Variants in COL23A1 observed in about 807,000 individuals in gnomAD.
COL23A1 encodes collagen type XXIII alpha 1 chain.
A neutral mutation model predicts 99.3 loss-of-function variants in COL23A1; 97 were observed. That is an observed-to-expected ratio of 0.98 (90% CI 0.83 to 1.16). The LOEUF (loss-of-function observed/expected upper bound fraction) is 1.16. Among genes scored for constraint, COL23A1 ranks in the 50% most tolerant of loss-of-function variants. COL23A1 has a pLI of 0.00. For synonymous variants in COL23A1, 320 were observed against 308.2 expected (o/e 1.04, Z -0.40); for missense variants, 762 against 757.4 (o/e 1.01, Z -0.07).
At chr5:178,470,134 T>C (rs1025016970) in intron 2 of COL23A1, among the ~76,000 whole-genome samples, 8 of 152,228 alleles carry the variant, frequency 5.3e-5, no homozygotes, top group African/African-American at 1.7e-4. Context: ...ACAGAGCAGC[T>C]GGCGGGCTAA....
At chr5:178,508,764 GC>G (rs1759025170) in intron 2 of COL23A1, among the ~76,000 whole-genome samples, 1 of 152,152 alleles carries the variant, frequency 6.6e-6, no homozygotes, top group Non-Finnish European at 1.5e-5. Flanking sequence ...ATCTGGCGAG[GC>G]TAGCCCTCTC....
intron 1 of COL23A1, among the ~76,000 whole-genome samples, chr5:178,585,909 G>A (rs1420152134): frequency 1.3e-5 from 2 of 152,188 alleles, no homozygotes; most frequent in South Asian, 4.2e-4. Context: ...TGGCGACCCT[G>A]TGACCTAGCT....
intron 2 of COL23A1, among the ~76,000 whole-genome samples, chr5:178,335,512 G>A (rs887166449): frequency 2.6e-4 from 39 of 152,210 alleles, no homozygotes; most frequent in African/African-American, 9.2e-4. Flanking sequence ...AATATGCAGC[G>A]CCTGGGCATG....
chr5:178,262,381 G>C, intron 9 of COL23A1, 129 bp from the exon 10 acceptor site: 1 of 833,590 alleles, frequency 1.2e-6, no homozygotes, highest in Non-Finnish European at 1.9e-6. Flanking sequence ...CAAACCTGAA[G>C]AGCGAGTATC....
At chr5:178,249,716 A>ACACTCACTCTCTCTCTCTCTCTCTCT in intron 18 of COL23A1, among the ~76,000 whole-genome samples, 1 of 92,754 alleles carries the variant, frequency 1.1e-5, no homozygotes, top group Non-Finnish European at 2.2e-5. Context: ...ACACACACAC[A>ACACTCACTCTCTCTCTCTCTCTCTCT]CTCTCTCTCT....
chr5:178,334,280 G>A lies in COL23A1; in HGVS notation c.362-27361C>T, dbSNP rs867715585. On this transcript the variant is annotated intron_variant, in intron 2 of 28. Coordinates refer to ENST00000390654, the MANE Select transcript of COL23A1 (RefSeq NM_173465.4). ...CTGGGTGTGTCCACATCAGCAAGAC[G>A]ACCCACAACAATTCTCTGAGATCAG... Among the ~76,000 whole-genome samples, 4 of 152,284 alleles carry A rather than the reference G, an allele frequency of 2.6e-5. No individual in the cohort carries two copies. In the Middle Eastern group the frequency reaches 0.01, roughly 388 times the overall value.
chr5:178,318,438 G>A (rs1410390954), intron 2 of COL23A1, among the ~76,000 whole-genome samples: 1 of 152,222 alleles, frequency 6.6e-6, no homozygotes, highest in East Asian at 1.9e-4. Flanking sequence ...GCAGCTGAAG[G>A]GAGGACTGAG....
At chr5:178,565,500 A>G (rs262070) in intron 1 of COL23A1, among the ~76,000 whole-genome samples, 12,044 of 152,154 alleles carry the variant, frequency 0.079, 1,219 homozygotes, top group African/African-American at 0.24. Flanking sequence ...CAACCCGAGG[A>G]GACTCCTTTT....
At position 178,384,589 on chromosome 5, in the gene COL23A1, C is replaced by T. The variant is rs917421731; in HGVS notation, c.362-77670G>A. 6.6e-6 allele frequency among the ~76,000 whole-genome samples: 1 copy of T among 152,192 alleles called. No homozygotes were observed. Among genetic ancestry groups the T allele is most frequent in the Non-Finnish European group, 1.5e-5 (1 of 68,036 alleles). Reference sequence around the variant, plus strand: ...CCTCCCTGCTCCTGCGCTGATTCTGCTCCTGCCTCAGAGATCACGGTTTGA... The same window carrying T: ...CCTCCCTGCTCCTGCGCTGATTCTGTTCCTGCCTCAGAGATCACGGTTTGA... On this transcript the variant is annotated intron_variant, in intron 2 of 28. Coordinates refer to ENST00000390654, the MANE Select transcript of COL23A1 (RefSeq NM_173465.4). This position sits in a 1 kb window ranked among gnomAD's most constrained non-coding sequence, Gnocchi z 5.5.
At chr5:178,564,463 T>C (rs1028814758) in intron 1 of COL23A1, among the ~76,000 whole-genome samples, 1 of 152,120 alleles carries the variant, frequency 6.6e-6, no homozygotes, top group African/African-American at 2.4e-5. Flanking sequence ...TTTGTAAAAA[T>C]GACTTAAAAG....
At chr5:178,369,191 G>A (rs1329034455) in intron 2 of COL23A1, among the ~76,000 whole-genome samples, 3 of 152,188 alleles carry the variant, frequency 2.0e-5, no homozygotes. Flanking sequence ...GGCTTGGTAG[G>A]TGTGTATCTT....
intron 2 of COL23A1, among the ~76,000 whole-genome samples, chr5:178,543,717 G>A (rs1299709109): frequency 3.3e-5 from 5 of 152,146 alleles, no homozygotes; most frequent in Admixed American, 2.6e-4. Context: ...AAAACGGCCT[G>A]TCTTAGCCTG....
At chr5:178,373,163 C>G (rs181641666) in intron 2 of COL23A1, among the ~76,000 whole-genome samples, 1 of 152,182 alleles carries the variant, frequency 6.6e-6, no homozygotes, top group Non-Finnish European at 1.5e-5. Context: ...AAAACACTGA[C>G]ATGGGTTTGA....
chr5:178,380,476 T>A (rs1375158240), intron 2 of COL23A1, among the ~76,000 whole-genome samples: 1 of 152,146 alleles, frequency 6.6e-6, no homozygotes, highest in Non-Finnish European at 1.5e-5. Flanking sequence ...CTTTTTCTGC[T>A]GAAGGGGAAA....
chr5:178,303,977 G>GA (rs1758207388), intron 3 of COL23A1, among the ~76,000 whole-genome samples: 1 of 152,242 alleles, frequency 6.6e-6, no homozygotes, highest in Admixed American at 6.5e-5. Context: ...CCCTTAGAAA[G>GA]AAAGATGACT....
Position 178,457,511 on chromosome 5 carries a change from G to A in COL23A1, c.361+103171C>T, listed in dbSNP as rs148647100. Among the ~76,000 whole-genome samples, 938 of 152,184 alleles carry A rather than the reference G, an allele frequency of 6.2e-3. 13 individuals carry two copies. The highest frequency in any genetic ancestry group is 0.022 in the African/African-American group (894 of 41,512). ...ATTACAGGCACGAACCACTACGCCC[G>A]GCCACAGAGTTCTTTATAATAGCAA... On this transcript the variant is annotated intron_variant, in intron 2 of 28. Transcript: ENST00000390654.
intron 2 of COL23A1, among the ~76,000 whole-genome samples, chr5:178,427,893 G>A (rs1766038275): frequency 1.3e-5 from 2 of 152,160 alleles, no homozygotes; most frequent in Admixed American, 1.3e-4. Context: ...ATGTCATTGT[G>A]TATTTATCCA....
intron 2 of COL23A1, chr5:178,352,094 G>A (rs1168503524): frequency 6.6e-6 from 1 of 152,184 alleles, no homozygotes; most frequent in African/African-American, 2.4e-5. Context: ...CTAAGGCACA[G>A]GCCCTAAGCT....
rs1467627366 is a variant in COL23A1, at chr5:178,281,657, T to A, written c.441+6667A>T. Among the ~76,000 whole-genome samples the A allele has an allele frequency of 1.3e-5, 2 of 152,216 alleles. No individual in the cohort carries two copies. Among genetic ancestry groups the A allele is most frequent in the African/African-American group, 4.8e-5 (2 of 41,462 alleles). On this transcript the variant is annotated intron_variant, in intron 5 of 28. Transcript: ENST00000390654. This position sits in a 1 kb window ranked among gnomAD's most constrained non-coding sequence, Gnocchi z 4.0. ...CCAGCAAATTAGTGCAACCGCCTCC[T>A]ACCCGCACCCCTTCCTCCAGTTTCT...
Sources: gnomAD v4.1 joint callset for allele counts (sites outside exome capture counted in the v4.1 genomes callset) on GRCh38, gnomAD v4.1.1 for gene constraint, Gnocchi (gnomAD v3.1) non-coding constraint, MANE v1.5 for transcripts, NCBI Gene and HGNC (gene_info 2026-07-23, HGNC 2026-07-21) for gene names.